The following SPAG16 variants were observed in gnomAD, a reference collection of about 807,000 sequenced individuals.
SPAG16 encodes the protein sperm associated antigen 16.
Under a neutral mutation model 80.4 loss-of-function variants are expected in SPAG16, and 86 were observed. That is an observed-to-expected ratio of 1.07 (90% confidence interval 0.90 to 1.28). SPAG16 has a LOEUF of 1.28. Among genes scored for constraint, SPAG16 ranks in the 50% most tolerant of loss-of-function variants. The pLI is 0.00. For missense variants in SPAG16, 870 were observed against 765.3 expected (o/e 1.14, Z -1.61); for synonymous variants, 294 against 265.9 (o/e 1.11, Z -1.03).
intron 10 of SPAG16, among the ~76,000 whole-genome samples, chr2:213,788,144 G>A (rs951225562): frequency 2.0e-5 from 3 of 151,722 alleles, no homozygotes; most frequent in Non-Finnish European, 4.4e-5. Context: ...GAAATTTATT[G>A]GATTCCAATC....
At chr2:214,028,238 A>G (rs918572283) in intron 13 of SPAG16, among the ~76,000 whole-genome samples, 17 of 152,066 alleles carry the variant, frequency 1.1e-4, no homozygotes, top group Admixed American at 4.6e-4. Context: ...ATGAAATGAC[A>G]TAGAATAACA....
chr2:213,822,178 G>T (rs2072986991), intron 10 of SPAG16, among the ~76,000 whole-genome samples: 1 of 152,084 alleles, frequency 6.6e-6, no homozygotes, highest in African/African-American at 2.4e-5. Flanking sequence ...AGTGTATGAG[G>T]GGTCCCCCTT....
chr2:213,825,108 G>A (rs1319752120), intron 10 of SPAG16, among the ~76,000 whole-genome samples: 1 of 151,872 alleles, frequency 6.6e-6, no homozygotes, highest in Non-Finnish European at 1.5e-5. Flanking sequence ...GAATGTATCA[G>A]TTCTAATGGT....
intron 14 of SPAG16, among the ~76,000 whole-genome samples, chr2:214,126,536 G>A (rs2054506562): frequency 6.6e-6 from 1 of 151,686 alleles, no homozygotes; most frequent in Non-Finnish European, 1.5e-5. Context: ...TCAACTTTAT[G>A]TATATAATGG....
At chr2:213,828,656 G>A (rs751964230) in intron 10 of SPAG16, among the ~76,000 whole-genome samples, 1 of 152,146 alleles carries the variant, frequency 6.6e-6, no homozygotes, top group Non-Finnish European at 1.5e-5. Context: ...GTTTGTACCT[G>A]TCCTTGTTCA....
At chr2:213,349,901 A>G (rs1375610775) in intron 6 of SPAG16, among the ~76,000 whole-genome samples, 2 of 152,166 alleles carry the variant, frequency 1.3e-5, no homozygotes, top group Non-Finnish European at 2.9e-5. Context: ...TTGGGTGTGC[A>G]TTTCTCAAAA....
At chr2:213,927,212 G>A (rs892894152) in intron 11 of SPAG16, among the ~76,000 whole-genome samples, 1 of 152,152 alleles carries the variant, frequency 6.6e-6, no homozygotes, top group Non-Finnish European at 1.5e-5. Flanking sequence ...ATTTCTCAGA[G>A]GCCCTACCTC....
At chr2:213,432,411 A>G (rs2070361187) in intron 9 of SPAG16, among the ~76,000 whole-genome samples, 1 of 152,154 alleles carries the variant, frequency 6.6e-6, no homozygotes, top group South Asian at 2.1e-4. Flanking sequence ...CGAAGACATT[A>G]CAACTGTTAC....
At chr2:214,268,434 T>C in intron 15 of SPAG16, among the ~76,000 whole-genome samples, 1 of 151,944 alleles carries the variant, frequency 6.6e-6, no homozygotes, top group Non-Finnish European at 1.5e-5. Flanking sequence ...ATTTTTAAAA[T>C]GTAATATATT....
chr2:214,369,321 A>ATCT (rs1699672460), intron 15 of SPAG16, among the ~76,000 whole-genome samples: 1 of 152,154 alleles, frequency 6.6e-6, no homozygotes, highest in Non-Finnish European at 1.5e-5. Context: ...ATGGACCAGA[A>ATCT]TCTTCTTCTG....
At chr2:213,296,562 C>T (rs769265324) in intron 2 of SPAG16, among the ~76,000 whole-genome samples, 5 of 152,078 alleles carry the variant, frequency 3.3e-5, no homozygotes, top group African/African-American at 4.8e-5. Flanking sequence ...TCATTGTTCC[C>T]GAGACCTATC....
intron 1 of SPAG16, among the ~76,000 whole-genome samples, chr2:213,291,136 A>G (rs2062256303): frequency 6.6e-6 from 1 of 152,140 alleles, no homozygotes; most frequent in South Asian, 2.1e-4. Flanking sequence ...TTTTTGACCA[A>G]TCTTATGAGA....
chr2:213,492,082 T>A (rs917453961), intron 10 of SPAG16, among the ~76,000 whole-genome samples: 4 of 152,184 alleles, frequency 2.6e-5, no homozygotes, highest in African/African-American at 9.7e-5. Context: ...CTACTATTTC[T>A]TTTTTTGCTG....
intron 5 of SPAG16, among the ~76,000 whole-genome samples, chr2:213,338,206 C>T (rs1436345382): frequency 1.3e-5 from 2 of 152,130 alleles, no homozygotes; most frequent in Non-Finnish European, 2.9e-5. Context: ...TGCAAGCACT[C>T]CTGAAGGAAG....
chr2:214,024,534 G>A (rs139582171), intron 13 of SPAG16, among the ~76,000 whole-genome samples: 9 of 151,502 alleles, frequency 5.9e-5, no homozygotes. Context: ...TAAATGAATT[G>A]TAAAACATAA....
chr2:213,455,179 T>C (rs973054931), intron 9 of SPAG16, among the ~76,000 whole-genome samples: 27 of 152,254 alleles, frequency 1.8e-4, no homozygotes, highest in East Asian at 5.8e-4. Context: ...TGAAGTTCTC[T>C]CATCATTAAT....
rs374110237 is a variant in SPAG16 at position 214,037,864 on chromosome 2, G to GGTATGTGTGTGT, written c.1527+23789_1527+23790insATGTGTGTGTGT. On this transcript the variant is annotated intron_variant, in intron 13 of 15. Transcript: ENST00000331683. ...GCTCTGTTATTATTCCCAGAAGCCT[G>GGTATGTGTGTGT]GTGTGTGTGTGTGTGTGTGTGTGTG... is the stretch of plus-strand genomic sequence containing the variant. Among the ~76,000 whole-genome samples, 149 of 133,702 alleles carry GGTATGTGTGTGT rather than the reference G, an allele frequency of 1.1e-3. 4 individuals are homozygous for GGTATGTGTGTGT. Among genetic ancestry groups the GGTATGTGTGTGT allele is most frequent in the African/African-American group, 3.7e-3 (124 of 33,906 alleles). The allele number at this position is 133,702 out of a possible 152,430, so 87.7% of individuals were successfully genotyped here.
intron 12 of SPAG16, among the ~76,000 whole-genome samples, chr2:213,976,288 G>A (rs1208741478): frequency 1.3e-5 from 2 of 150,752 alleles, no homozygotes; most frequent in Non-Finnish European, 3.0e-5. Context: ...ACACATGTGT[G>A]CACATATGCA....
At chr2:213,492,474 C>T (rs760364306) in intron 10 of SPAG16, among the ~76,000 whole-genome samples, 12 of 151,782 alleles carry the variant, frequency 7.9e-5, no homozygotes, top group Non-Finnish European at 1.6e-4. Flanking sequence ...GGCATGAACC[C>T]GGGAGGTGGA....
Sources: allele counts gnomAD v4.1 joint callset (sites outside exome capture counted in the v4.1 genomes callset), GRCh38; gene constraint gnomAD v4.1.1; transcripts MANE v1.5; gene names NCBI Gene and HGNC (gene_info 2026-07-23, HGNC 2026-07-21).